MTURN: variants seen among roughly 807,000 people sequenced by gnomAD.
MTURN encodes the protein maturin, neural progenitor differentiation regulator homolog.
In MTURN, 7 loss-of-function variants were observed where a neutral mutation model predicts 14.9. The ratio of observed to expected loss-of-function variants is 0.47; its 90% CI spans 0.27 to 0.88. The LOEUF (loss-of-function observed/expected upper bound fraction) is 0.88, where lower values mean the gene tolerates loss of function less well. Among genes scored for constraint, MTURN ranks in the 40% least tolerant of loss-of-function variants. The pLI is 0.14. For synonymous variants in MTURN, 69 were observed against 72.5 expected (o/e 0.95, Z 0.25); for missense variants, 151 against 174.1 (o/e 0.87, Z 0.75).
At chr7:30,135,480 C>G (rs915433706) in intron 1 of MTURN, among the ~76,000 whole-genome samples, 182 bp downstream of exon 1, 23 of 151,376 alleles carry the variant, frequency 1.5e-4, no homozygotes, top group African/African-American at 5.1e-4. Context: ...GGCTCCGCTG[C>G]CCGGGTGGGG....
Position 30,158,319 on chromosome 7 carries a change from G to A in MTURN, c.*771G>A, listed in dbSNP as rs920863961. On this transcript the variant is annotated 3_prime_UTR_variant, in exon 3 of 3. Transcript: ENST00000324453. The stretch of plus-strand genomic sequence containing the variant: ...TAAAGCTGTTTATAAGCCGTCCCAC[G>A]TATAAAATGAAACATTTTACCTTCT... 2 of 152,544 alleles carry A rather than the reference G, an allele frequency of 1.3e-5. No individual in the cohort carries two copies. The highest frequency in any genetic ancestry group is 1.5e-5 in the Non-Finnish European group (1 of 68,022). 9.4% of individuals were successfully genotyped at this position (152,544 alleles called of 1,614,324 possible). A position where few individuals can be genotyped will look rare whatever the true frequency, so the allele number is the denominator to read the frequency against.
In MTURN at chr7:30,161,881, G is replaced by A. The variant is rs1037947045; in HGVS notation, c.*4333G>A. 2 of 152,166 alleles carry A rather than the reference G, an allele frequency of 1.3e-5. No homozygotes were observed. Among genetic ancestry groups the A allele is most frequent in the Non-Finnish European group, 2.9e-5 (2 of 68,034 alleles). 9.4% of individuals were successfully genotyped at this position (152,166 alleles called of 1,614,324 possible). A position where few individuals can be genotyped will look rare whatever the true frequency, so the allele number is the denominator to read the frequency against. On this transcript the variant is annotated 3_prime_UTR_variant, in exon 3 of 3. Transcript: ENST00000324453. ...AAGCTGAAGTCTTTTAGATTTTATA[G>A]AGAGTAATTCTGAAACCTGCCAGAA...
chr7:30,147,699 G>A (rs1434057149), intron 2 of MTURN, among the ~76,000 whole-genome samples: 1 of 152,064 alleles, frequency 6.6e-6, no homozygotes, highest in Non-Finnish European at 1.5e-5. Context: ...GCTTTTTTTA[G>A]TCATTCTCAA....
intron 1 of MTURN, chr7:30,137,276 T>G: frequency 4.8e-6 from 1 of 207,196 alleles, no homozygotes; most frequent in South Asian, 7.6e-5. Context: ...TGGCTCATGG[T>G]TCTGGATTTC....
intron 1 of MTURN, among the ~76,000 whole-genome samples, chr7:30,139,375 G>GGCA (rs148425398): frequency 0.021 from 3,176 of 152,244 alleles, 47 homozygotes; most frequent in Middle Eastern, 0.068. Context: ...ACTGAGGCAT[G>GGCA]GCAAACTTTA....
At chr7:30,142,413 C>T (rs1053029300) in intron 1 of MTURN, among the ~76,000 whole-genome samples, 5 of 152,024 alleles carry the variant, frequency 3.3e-5, no homozygotes, top group Admixed American at 1.3e-4. Flanking sequence ...GTAGTTCTCC[C>T]GGAAAGATAT....
chr7:30,155,591 T>C (rs555485787), intron 2 of MTURN, among the ~76,000 whole-genome samples: 7 of 152,320 alleles, frequency 4.6e-5, no homozygotes, highest in Admixed American at 4.6e-4. Flanking sequence ...CTGAGAGCGC[T>C]CTTCCTGCCC....
At chr7:30,138,686 A>G (rs1485895411) in intron 1 of MTURN, among the ~76,000 whole-genome samples, 1 of 151,992 alleles carries the variant, frequency 6.6e-6, no homozygotes, top group African/African-American at 2.4e-5. Flanking sequence ...TTTTGGATCT[A>G]TTTAAAATAT....
chr7:30,138,540 A>T (rs1797001414), intron 1 of MTURN, among the ~76,000 whole-genome samples: 2 of 152,058 alleles, frequency 1.3e-5, no homozygotes. Flanking sequence ...GTCATTTTTC[A>T]TCGTGTCTCC....
chr7:30,142,726 C>T (rs748458612), intron 1 of MTURN, among the ~76,000 whole-genome samples: 2 of 152,152 alleles, frequency 1.3e-5, no homozygotes, highest in Non-Finnish European at 2.9e-5. Context: ...GCTTGAGAAC[C>T]GCTTCCCTCT....
intron 1 of MTURN, among the ~76,000 whole-genome samples, chr7:30,145,322 G>T (rs1486279181): frequency 6.6e-6 from 1 of 152,098 alleles, no homozygotes; most frequent in Admixed American, 6.5e-5. Flanking sequence ...GCGAAACCCT[G>T]TCTCTACCAA....
At chr7:30,139,176 T>TA (rs1237257685) in intron 1 of MTURN, among the ~76,000 whole-genome samples, 1 of 152,190 alleles carries the variant, frequency 6.6e-6, no homozygotes, top group East Asian at 1.9e-4. Context: ...AATTATAGTC[T>TA]AGTGTAAAAG....
Position 30,157,873 on chromosome 7 carries a change from G to A in MTURN, c.*325G>A, listed in dbSNP as rs1486432948. ...AGAATTAACATTCGCTGACTCGAATGTAGAGAACTCTGAATGTATTAAGGA... is the reference window on the plus strand; with the variant it reads ...AGAATTAACATTCGCTGACTCGAATATAGAGAACTCTGAATGTATTAAGGA... On this transcript the variant is annotated 3_prime_UTR_variant, in exon 3 of 3. Coordinates refer to ENST00000324453, the MANE Select transcript of MTURN (RefSeq NM_152793.3). 2 of 169,006 alleles carry A rather than the reference G, an allele frequency of 1.2e-5. No homozygotes were observed. Among genetic ancestry groups the A allele is most frequent in the African/African-American group, 2.4e-5 (1 of 41,782 alleles). The allele number at this position is 169,006 out of a possible 1,614,324, so 10.5% of individuals were successfully genotyped here.
rs113833586 is a variant in MTURN at position 30,145,782 on chromosome 7, G to A, written c.163-395G>A. On this transcript the variant is annotated intron_variant, in intron 1 of 2. Coordinates refer to ENST00000324453, the MANE Select transcript of MTURN (RefSeq NM_152793.3). ...ACTATGCTTAATTAATCTTTCAGCC[G>A]TAGCTGAAAGCAAAGTTAAGGATTT... 1.1e-4 allele frequency: 160 copies of A among 1,437,922 alleles called. 1 individual carries two copies. The African/African-American group carries it at 1.2e-3, about 11-fold the overall frequency. 89.1% of individuals were successfully genotyped at this position (1,437,922 alleles called of 1,614,324 possible). A position where few individuals can be genotyped will look rare whatever the true frequency, so the allele number is the denominator to read the frequency against.
chr7:30,144,928 CTTTTTTTT>C (rs11411711), intron 1 of MTURN, among the ~76,000 whole-genome samples: 13 of 73,976 alleles, frequency 1.8e-4, no homozygotes, highest in East Asian at 3.6e-4. Context: ...GACCTCAATA[CTTTTTTTT>C]TTTTTTTTTT....
intron 2 of MTURN, among the ~76,000 whole-genome samples, chr7:30,148,489 G>A (rs1351545328): frequency 6.6e-6 from 1 of 152,250 alleles, no homozygotes; most frequent in East Asian, 1.9e-4. Flanking sequence ...TCCCTCTGAT[G>A]ACTGTGTTGA....
chr7:30,135,815 G>A (rs1796943972), intron 1 of MTURN, among the ~76,000 whole-genome samples: 1 of 152,226 alleles, frequency 6.6e-6, no homozygotes, highest in South Asian at 2.1e-4. Context: ...GCCCCTCCCG[G>A]GAGAACCCCA....
At chr7:30,157,016 TATAAATAATAGCACCA>T (rs1161951555) in intron 2 of MTURN, among the ~76,000 whole-genome samples, 1 of 152,198 alleles carries the variant, frequency 6.6e-6, no homozygotes, top group Non-Finnish European at 1.5e-5. Flanking sequence ...AGAAATGTGT[TATAAATAATAGCACCA>T]ATAAATAATA....
intron 2 of MTURN, among the ~76,000 whole-genome samples, chr7:30,156,014 C>T (rs1436156352): frequency 6.6e-6 from 1 of 152,132 alleles, no homozygotes; most frequent in African/African-American, 2.4e-5. Context: ...CTGGACACCC[C>T]TATGTAAGAA....
Sources: allele counts gnomAD v4.1 joint callset (sites outside exome capture counted in the v4.1 genomes callset), GRCh38; gene constraint gnomAD v4.1.1; transcripts MANE v1.5; gene names NCBI Gene and HGNC (gene_info 2026-07-23, HGNC 2026-07-21).